GPC5: variants seen among roughly 807,000 people sequenced by gnomAD.
GPC5 encodes glypican-5.
A neutral mutation model predicts 53.9 loss-of-function variants in GPC5; 47 were observed. The observed-to-expected ratio is 0.87, with a 90% CI of 0.69 to 1.11. GPC5 has a LOEUF of 1.11. Among genes scored for constraint, GPC5 ranks in the 50% most tolerant of loss-of-function variants. The pLI, the probability that GPC5 is intolerant of heterozygous loss-of-function variation, is 0.00. For synonymous variants in GPC5, 286 were observed against 263.3 expected (o/e 1.09, Z -0.84); for missense variants, 748 against 713.1 (o/e 1.05, Z -0.56).
intron 6 of GPC5, among the ~76,000 whole-genome samples, chr13:91,953,006 C>T (rs1182152944): frequency 6.6e-6 from 1 of 152,094 alleles, no homozygotes; most frequent in Non-Finnish European, 1.5e-5. Flanking sequence ...AAAAAGATAA[C>T]TTGGTGTCCT....
At chr13:92,281,095 A>G (rs2042911838) in intron 7 of GPC5, among the ~76,000 whole-genome samples, 1 of 152,186 alleles carries the variant, frequency 6.6e-6, no homozygotes. Flanking sequence ...ACACTGGGAG[A>G]TAATATCCCG....
At chr13:91,924,150 G>T (rs1195844199) in intron 6 of GPC5, among the ~76,000 whole-genome samples, 1 of 152,090 alleles carries the variant, frequency 6.6e-6, no homozygotes, top group East Asian at 1.9e-4. Context: ...TACATATATA[G>T]AGTTTAAATT....
intron 5 of GPC5, among the ~76,000 whole-genome samples, chr13:91,759,794 T>G (rs934331902): frequency 3.9e-5 from 6 of 152,106 alleles, no homozygotes; most frequent in Admixed American, 1.3e-4. Flanking sequence ...AAATGTTACA[T>G]AGCAGTCAAA....
intron 6 of GPC5, among the ~76,000 whole-genome samples, chr13:91,940,741 A>G (rs770999225): frequency 1.3e-5 from 2 of 151,930 alleles, no homozygotes; most frequent in Non-Finnish European, 2.9e-5. Flanking sequence ...TTCTCTGATA[A>G]TTAGTGATAA....
At chr13:91,410,339 C>CTTT (rs66787310) in intron 1 of GPC5, among the ~76,000 whole-genome samples, 67 of 89,826 alleles carry the variant, frequency 7.5e-4, no homozygotes, top group African/African-American at 1.3e-3. Context: ...CGTTTCCATT[C>CTTT]TTTTTTTTTT....
chr13:91,749,107 A>C (rs2037115183), intron 4 of GPC5, among the ~76,000 whole-genome samples: 1 of 152,090 alleles, frequency 6.6e-6, no homozygotes, highest in African/African-American at 2.4e-5. Flanking sequence ...GTAGTAGTGA[A>C]GTCTGGGCTT....
intron 7 of GPC5, among the ~76,000 whole-genome samples, chr13:92,543,832 A>T (rs1271670943): frequency 6.6e-6 from 1 of 152,108 alleles, no homozygotes; most frequent in Non-Finnish European, 1.5e-5. Context: ...TTTAAGTGTT[A>T]TTTTTTAACT....
At chr13:92,145,028 G>A (rs150430423) in intron 7 of GPC5, 39 bp downstream of exon 7, 1 of 1,309,234 alleles carries the variant, frequency 7.6e-7, no homozygotes, top group African/African-American at 1.5e-5. Flanking sequence ...TTAAAACAAT[G>A]ATTTTGAAAT....
chr13:91,622,215 C>G (rs1196380189), intron 2 of GPC5, among the ~76,000 whole-genome samples: 2 of 152,146 alleles, frequency 1.3e-5, no homozygotes, highest in Non-Finnish European at 2.9e-5. Context: ...CTCACAGACA[C>G]ACCCAGGAAT....
intron 7 of GPC5, among the ~76,000 whole-genome samples, chr13:92,824,618 C>T (rs1314025725): frequency 6.6e-6 from 1 of 151,840 alleles, no homozygotes; most frequent in Non-Finnish European, 1.5e-5. Context: ...AAGGAAGAGG[C>T]CATATACACT....
chr13:92,152,908 T>G (rs952338429), intron 7 of GPC5, among the ~76,000 whole-genome samples: 2 of 152,134 alleles, frequency 1.3e-5, no homozygotes, highest in African/African-American at 4.8e-5. Flanking sequence ...TCTGAACACA[T>G]TTCACTGAAC....
chr13:92,600,393 G>A (rs868187574), intron 7 of GPC5, among the ~76,000 whole-genome samples: 3 of 152,072 alleles, frequency 2.0e-5, no homozygotes, highest in African/African-American at 7.2e-5. Flanking sequence ...TATTTGTGGA[G>A]TCTTTTAAAG....
chr13:91,754,319 G>T (rs186481804), intron 4 of GPC5, among the ~76,000 whole-genome samples: 1 of 152,144 alleles, frequency 6.6e-6, no homozygotes, highest in Non-Finnish European at 1.5e-5. Context: ...TTGGAGGGAT[G>T]TAATCTTAGT....
chr13:92,080,159 T>A (rs1042817195), intron 6 of GPC5, among the ~76,000 whole-genome samples: 4 of 152,216 alleles, frequency 2.6e-5, no homozygotes, highest in Admixed American at 1.3e-4. Context: ...TCTTTCTACC[T>A]GCTTCTCAGA....
At chr13:92,443,267 G>A (rs1040411850) in intron 7 of GPC5, among the ~76,000 whole-genome samples, 2 of 152,198 alleles carry the variant, frequency 1.3e-5, no homozygotes, top group African/African-American at 4.8e-5. Context: ...AGCCATCCAT[G>A]AGGGCTCTGC....
At chr13:92,474,856 G>T (rs762149617) in intron 7 of GPC5, among the ~76,000 whole-genome samples, 6 of 152,040 alleles carry the variant, frequency 3.9e-5, no homozygotes, top group African/African-American at 9.7e-5. Context: ...AAGAATATGA[G>T]AAATTATTCA....
At chr13:92,855,732 C>A (rs779976776) in intron 7 of GPC5, among the ~76,000 whole-genome samples, 2 of 151,828 alleles carry the variant, frequency 1.3e-5, no homozygotes, top group African/African-American at 4.8e-5. Flanking sequence ...ATCTCAGTCC[C>A]ATAAACTAGA....
Position 91,693,304 on chromosome 13 carries a change from TG to T in GPC5, c.447del (p.Leu150CysfsTer14). 6.2e-7 allele frequency: 1 copy of T among 1,614,088 alleles called. No homozygotes were observed. Among genetic ancestry groups the T allele is most frequent in the Non-Finnish European group, 8.5e-7 (1 of 1,179,994 alleles). ...TCGGTTCAGGAGTTCTTCACTGATG[TG>T]GGGCTGTATTTATTTGGTGCGGATG... ...AASVQEFFTD[V>X]GLYLFGADVN... On this transcript the variant is annotated frameshift_variant, in exon 3 of 8. Coordinates refer to ENST00000377067, the MANE Select transcript of GPC5 (RefSeq NM_004466.6). LOFTEE classifies it high-confidence loss of function.
intron 7 of GPC5, among the ~76,000 whole-genome samples, chr13:92,450,770 C>G (rs1482087163): frequency 2.0e-5 from 3 of 152,114 alleles, no homozygotes; most frequent in African/African-American, 7.2e-5. Context: ...GAGATTAATC[C>G]CTTGGTCAAG....
Sources: gnomAD v4.1 joint callset for allele counts (sites outside exome capture counted in the v4.1 genomes callset) on GRCh38, gnomAD v4.1.1 for gene constraint, MANE v1.5 for transcripts, NCBI Gene and HGNC (gene_info 2026-07-23, HGNC 2026-07-21) for gene names.